CACNG2: variants seen among roughly 807,000 people sequenced by gnomAD.
The protein encoded by CACNG2 is voltage-dependent calcium channel gamma-2 subunit.
Under a neutral mutation model 25.9 loss-of-function variants are expected in CACNG2, and 3 were observed. The ratio of observed to expected loss-of-function variants is 0.12; its 90% confidence interval spans 0.05 to 0.30. The LOEUF (loss-of-function observed/expected upper bound fraction) is 0.30, where lower values mean the gene tolerates loss of function less well. Among genes scored for constraint, CACNG2 ranks in the 10% least tolerant of loss-of-function variants. The pLI is 1.00. For synonymous variants in CACNG2, 167 were observed against 173.3 expected (o/e 0.96, Z 0.29); for missense variants, 341 against 432.5 (o/e 0.79, Z 1.88).
At chr22:36,654,693 C>A (rs766693256) in intron 1 of CACNG2, among the ~76,000 whole-genome samples, 1 of 152,006 alleles carries the variant, frequency 6.6e-6, no homozygotes, top group African/African-American at 2.4e-5. Context: ...TAACTTCAGA[C>A]GCATAAAAAA....
chr22:36,618,850 T>A (rs1936064097), intron 1 of CACNG2, among the ~76,000 whole-genome samples: 1 of 151,414 alleles, frequency 6.6e-6, no homozygotes, highest in East Asian at 1.9e-4. Flanking sequence ...AACCTGGGAG[T>A]CGGAGGTTGC....
At chr22:36,625,792 GA>G (rs1569033483) in intron 1 of CACNG2, among the ~76,000 whole-genome samples, 2 of 151,952 alleles carry the variant, frequency 1.3e-5, no homozygotes, top group Non-Finnish European at 2.9e-5. Flanking sequence ...CATTTTCTTG[GA>G]AAAAAACAAA....
chr22:36,668,125 A>T (rs1936898627), intron 1 of CACNG2, among the ~76,000 whole-genome samples: 1 of 152,174 alleles, frequency 6.6e-6, no homozygotes. Context: ...GCAGCTCCGC[A>T]TCCTGATGCC....
At chr22:36,646,080 T>C (rs1225201673) in intron 1 of CACNG2, among the ~76,000 whole-genome samples, 1 of 152,208 alleles carries the variant, frequency 6.6e-6, no homozygotes, top group African/African-American at 2.4e-5. Flanking sequence ...CCCCAAAAGC[T>C]ATAGAAAATA....
At chr22:36,692,021 G>T (rs1183780881) in intron 1 of CACNG2, among the ~76,000 whole-genome samples, 1 of 152,120 alleles carries the variant, frequency 6.6e-6, no homozygotes, top group Non-Finnish European at 1.5e-5. Context: ...AGAAAAAAGT[G>T]CATACATCCT....
intron 1 of CACNG2, among the ~76,000 whole-genome samples, chr22:36,698,911 C>A (rs1463169373): frequency 6.6e-6 from 1 of 152,122 alleles, no homozygotes; most frequent in African/African-American, 2.4e-5. Context: ...AGAGAATAAG[C>A]ACCAAGAGTG....
In CACNG2 at chr22:36,624,864, C is replaced by T. The variant is rs535574741; in HGVS notation, c.212-37316G>A. 2.6e-5 allele frequency among the ~76,000 whole-genome samples: 4 copies of T among 151,818 alleles called. No individual in the cohort carries two copies. In the South Asian group the frequency reaches 8.3e-4, roughly 32 times the overall value. On this transcript the variant is annotated intron_variant, in intron 1 of 3. Transcript: ENST00000300105. ...CCAACATGGTGAAACCCTGTCTCTA[C>T]TAAAAATACAAAAATTAGCTGGGTG...
intron 1 of CACNG2, among the ~76,000 whole-genome samples, chr22:36,655,682 TCTTC>T (rs1253995553): frequency 1.1e-4 from 16 of 151,928 alleles, no homozygotes; most frequent in African/African-American, 3.1e-4. Context: ...TCTCTTCCTT[TCTTC>T]CTTCCTTCCT....
chr22:36,673,790 A>C (rs1156713319), intron 1 of CACNG2, among the ~76,000 whole-genome samples: 5 of 152,130 alleles, frequency 3.3e-5, no homozygotes, highest in African/African-American at 1.2e-4. Context: ...TTTACAAAGT[A>C]CTTTACAGTT....
chr22:36,587,562 GGA>G lies in CACNG2; in HGVS notation c.212-16_212-15del, dbSNP rs1230239196. 1 of 1,590,946 alleles carries G rather than the reference GGA, an allele frequency of 6.3e-7. No individual in the cohort carries two copies. The highest frequency in any genetic ancestry group is 1.7e-5 in the Admixed American group (1 of 59,986). ...CTTTGAAATTCCCTGCAAAACAAGG[GGA>G]GAAGGAGCACATGAAACATCATAGT... On this transcript the variant is annotated splice_polypyrimidine_tract_variant and intron_variant, in intron 1 of 3. Transcript: ENST00000300105.
At chr22:36,607,672 G>GC (rs67974375) in intron 1 of CACNG2, among the ~76,000 whole-genome samples, 37,667 of 152,012 alleles carry the variant, frequency 0.25, 5,302 homozygotes, top group African/African-American at 0.37. Context: ...GGACCCACAG[G>GC]CCTGAGGATG....
chr22:36,668,546 T>C (rs912506898), intron 1 of CACNG2, among the ~76,000 whole-genome samples: 4 of 151,688 alleles, frequency 2.6e-5, no homozygotes, highest in African/African-American at 9.7e-5. Context: ...TGGGGTACAG[T>C]GGCACAATCA....
chr22:36,698,556 A>G (rs1469643200), intron 1 of CACNG2, among the ~76,000 whole-genome samples: 1 of 152,182 alleles, frequency 6.6e-6, no homozygotes, highest in Non-Finnish European at 1.5e-5. Flanking sequence ...CATGACTTGG[A>G]AAAGATTTGG....
At position 36,563,105 on chromosome 22, in the gene CACNG2, A is replaced by G. The variant is rs1489984082; in HGVS notation, c.*1246T>C. On this transcript the variant is annotated 3_prime_UTR_variant, in exon 4 of 4. Transcript: ENST00000300105. Reference sequence around the variant, plus strand: ...ACTTATTTTGTATTTACATTTATTTATAGTCTGTGGTTTTTTTATTAAAAA... The same window carrying G: ...ACTTATTTTGTATTTACATTTATTTGTAGTCTGTGGTTTTTTTATTAAAAA... Among the ~76,000 whole-genome samples the G allele has an allele frequency of 6.6e-6, 1 of 151,862 alleles. No homozygotes were observed. Among genetic ancestry groups the G allele is most frequent in the Non-Finnish European group, 1.5e-5 (1 of 67,970 alleles).
intron 1 of CACNG2, among the ~76,000 whole-genome samples, chr22:36,625,041 A>AAAAAAAAAAAAAAAAC (rs1267134524): frequency 6.6e-6 from 1 of 150,626 alleles, no homozygotes; most frequent in East Asian, 1.9e-4. Flanking sequence ...AAAAAAAAAA[A>AAAAAAAAAAAAAAAAC]AGAACCACAG....
chr22:36,652,236 G>A (rs1165569343), intron 1 of CACNG2, among the ~76,000 whole-genome samples: 1 of 152,098 alleles, frequency 6.6e-6, no homozygotes, highest in Non-Finnish European at 1.5e-5. Context: ...GCCAGGCTGT[G>A]TAGGCACCTC....
At chr22:36,594,870 TTGTGTGTC>T (rs778550337) in intron 1 of CACNG2, among the ~76,000 whole-genome samples, 72 of 124,826 alleles carry the variant, frequency 5.8e-4, no homozygotes, top group Non-Finnish European at 5.3e-4. Context: ...GCATGGGTGT[TTGTGTGTC>T]TGTGCCTGTG....
intron 2 of CACNG2, among the ~76,000 whole-genome samples, chr22:36,577,650 G>GAAAAAA (rs544986089): frequency 8.7e-6 from 1 of 114,460 alleles, no homozygotes. Flanking sequence ...CTCCGTCTTG[G>GAAAAAA]AAAAAAAAAA....
chr22:36,633,695 C>T (rs185761224), intron 1 of CACNG2, among the ~76,000 whole-genome samples: 41 of 152,168 alleles, frequency 2.7e-4, no homozygotes, highest in African/African-American at 5.3e-4. Context: ...AATTTACTCA[C>T]GATAAAAGGC....
Sources: allele counts gnomAD v4.1 joint callset (sites outside exome capture counted in the v4.1 genomes callset), GRCh38; gene constraint gnomAD v4.1.1; transcripts MANE v1.5; gene names NCBI Gene and HGNC (gene_info 2026-07-23, HGNC 2026-07-21).